Variants in ASPSCR1 observed in about 807,000 individuals in gnomAD.
The protein encoded by ASPSCR1 is tether containing UBX domain for GLUT4.
In ASPSCR1, 55 loss-of-function variants were observed where a neutral mutation model predicts 68.9. The observed-to-expected ratio is 0.80, with a 90% CI of 0.64 to 1.00. The LOEUF (loss-of-function observed/expected upper bound fraction) is 1.00. ASPSCR1 is among the 50% of genes least tolerant of loss of function. ASPSCR1 has a pLI of 0.00. For synonymous variants in ASPSCR1, 352 were observed against 332.6 expected, an observed-to-expected ratio of 1.06 and a Z score of -0.63; for missense variants, 765 against 762.2, an observed-to-expected ratio of 1.00 and a Z score of -0.04.
intron 12 of ASPSCR1, 23 bp from the exon 13 acceptor site, chr17:82,016,451 CCT>C: frequency 1.9e-6 from 3 of 1,545,068 alleles, no homozygotes; most frequent in East Asian, 2.4e-5. Context: ...ACACCCGGCC[CCT>C]GAGCCCCCCG....
intron 12 of ASPSCR1, among the ~76,000 whole-genome samples, chr17:82,012,527 T>C (rs1305086180): frequency 6.6e-6 from 1 of 152,084 alleles, no homozygotes; most frequent in Non-Finnish European, 1.5e-5. Context: ...GCGGCCTGCC[T>C]GAACTGAGGC....
chr17:82,000,935 C>T (rs748891853), intron 7 of ASPSCR1, among the ~76,000 whole-genome samples: 3 of 152,114 alleles, frequency 2.0e-5, no homozygotes, highest in Non-Finnish European at 4.4e-5. Flanking sequence ...GCAGCTGGCA[C>T]GAGGGCCGCT....
chr17:82,006,558 T>G (rs971267859), intron 7 of ASPSCR1: 1 of 152,214 alleles, frequency 6.6e-6, no homozygotes, highest in Non-Finnish European at 1.5e-5. Flanking sequence ...TGCCTCCTGC[T>G]CCTCCTCCCT....
intron 7 of ASPSCR1, chr17:82,008,376 C>G (rs1166377019): frequency 2.0e-5 from 3 of 152,414 alleles, no homozygotes; most frequent in African/African-American, 7.2e-5. Flanking sequence ...CTCGGCTGTT[C>G]TGTGTGAGGG....
intron 6 of ASPSCR1, 52 bp downstream of exon 6, chr17:81,996,117 T>C (rs751357539): frequency 2.6e-4 from 394 of 1,491,268 alleles, no homozygotes; most frequent in Non-Finnish European, 3.5e-4. Context: ...AAAAAAAAAG[T>C]GGTCTCAAAG....
chr17:82,017,224 C>T lies in ASPSCR1; in HGVS notation c.1649-85C>T, dbSNP rs1019653046. 3.1e-6 allele frequency: 5 copies of T among 1,595,726 alleles called. No homozygotes were observed. In the East Asian group the frequency reaches 6.7e-5, roughly 21 times the overall value. On this transcript the variant is annotated intron_variant, in intron 15 of 15. Coordinates refer to ENST00000306739, the MANE Select transcript of ASPSCR1 (RefSeq NM_024083.4). ...GGCTAGGTGCTGTGGCCGGCAGGGC[C>T]GAGTGCTTCAGCCGGGCTGGTGGGC... is the stretch of plus-strand genomic sequence containing the variant.
At chr17:82,002,955 A>G (rs990035652) in intron 7 of ASPSCR1, among the ~76,000 whole-genome samples, 1 of 151,706 alleles carries the variant, frequency 6.6e-6, no homozygotes, top group African/African-American at 2.4e-5. Context: ...GCTCACTGCA[A>G]CCTCCACCTC....
At chr17:81,991,597 T>TCCTGTCCATCCCTGTCCATC (rs910971006) in intron 4 of ASPSCR1, among the ~76,000 whole-genome samples, 3 of 152,092 alleles carry the variant, frequency 2.0e-5, no homozygotes, top group Non-Finnish European at 4.4e-5. Flanking sequence ...CCTTGTCCAT[T>TCCTGTCCATCCCTGTCCATC]CCTGTCCATC....
Position 81,999,602 on chromosome 17 carries a change from G to A in ASPSCR1, c.933+2756G>A, listed in dbSNP as rs138231466. On this transcript the variant is annotated intron_variant, in intron 7 of 15. Transcript: ENST00000306739. The surrounding 1 kb of genome is among the most constrained non-coding windows in gnomAD (Gnocchi z 4.4). ...AGATCGTGCCACTGCACTCCAGCCC[G>A]GGTGACAGAGTGAAACTCCATCTCA... Among the ~76,000 whole-genome samples the A allele has an allele frequency of 2.3e-3, 355 of 151,524 alleles. 3 individuals are homozygous for A. Among genetic ancestry groups the A allele is most frequent in the African/African-American group, 7.6e-3 (315 of 41,306 alleles).
intron 11 of ASPSCR1, 191 bp from the exon 12 acceptor site, chr17:82,012,040 G>A: frequency 1.4e-6 from 1 of 732,758 alleles, no homozygotes; most frequent in Admixed American, 2.0e-5. Context: ...AGGTGGGCCT[G>A]CCCCCCACCG....
In ASPSCR1 at chr17:81,994,821, G is replaced by GGAGT; in HGVS notation, c.377_380dup (p.Cys127Ter). 6.2e-7 allele frequency: 1 copy of GGAGT among 1,613,336 alleles called. No individual in the cohort carries two copies. Among genetic ancestry groups the GGAGT allele is most frequent in the Non-Finnish European group, 8.5e-7 (1 of 1,179,956 alleles). The stretch of plus-strand genomic sequence containing the variant: ...GATGGTTTCTTTCCTCTCCTCCCAG[G>GGAGT]GAGTGCCTGCAGCACCCCGGCGGGG... On this transcript the variant is annotated frameshift_variant and splice_region_variant, in exon 5 of 16. Coordinates refer to ENST00000306739, the MANE Select transcript of ASPSCR1 (RefSeq NM_024083.4). LOFTEE classifies it high-confidence loss of function.
At chr17:82,013,130 C>T (rs1168885882) in intron 12 of ASPSCR1, 1 of 152,266 alleles carries the variant, frequency 6.6e-6, no homozygotes, top group Non-Finnish European at 1.5e-5. Context: ...CAGGGGTGAT[C>T]AGGAGCAGGA....
chr17:82,010,692 T>A, intron 9 of ASPSCR1, 110 bp from the exon 10 acceptor site: 1 of 1,194,910 alleles, frequency 8.4e-7, no homozygotes, highest in South Asian at 1.3e-5. Context: ...TGCTTCTGCC[T>A]GCCTCAGCCC....
intron 11 of ASPSCR1, 23 bp from the exon 12 acceptor site, chr17:82,012,207 CA>C (rs747241188): frequency 1.2e-5 from 20 of 1,611,582 alleles, no homozygotes; most frequent in Non-Finnish European, 1.6e-5. Flanking sequence ...TGCTTCCTAA[CA>C]CGTAGGTGCC....
At chr17:82,010,066 C>T (rs1249527980) in intron 9 of ASPSCR1, 4 of 336,806 alleles carry the variant, frequency 1.2e-5, no homozygotes, top group African/African-American at 9.5e-5. Context: ...CCCGCTACCA[C>T]TAGCTCGGCT....
At chr17:82,000,698 C>T (rs377435227) in intron 7 of ASPSCR1, among the ~76,000 whole-genome samples, 49 of 152,338 alleles carry the variant, frequency 3.2e-4, no homozygotes, top group African/African-American at 1.1e-3. Context: ...GGCCGAGACC[C>T]GGGGTGGTTC....
rs1191467983 is a variant in ASPSCR1, at chr17:81,977,636, G to A, written c.-11G>A. 7.2e-7 allele frequency: 1 copy of A among 1,389,648 alleles called. No homozygotes were observed. The highest frequency in any genetic ancestry group is 9.4e-7 in the Non-Finnish European group (1 of 1,069,118). 86.1% of individuals were successfully genotyped at this position (1,389,648 alleles called of 1,614,324 possible). A position where few individuals can be genotyped will look rare whatever the true frequency, so the allele number is the denominator to read the frequency against. ...TGACGCCGGCCCGGCGGCGGGTCAC[G>A]TGAGCGGAAAATGGCGGCCCCGGCA... On this transcript the variant is annotated 5_prime_UTR_variant, in exon 1 of 16. The change creates a new upstream start codon in the 5' untranslated region. Transcript: ENST00000306739. This position sits in a 1 kb window ranked among gnomAD's most constrained non-coding sequence, Gnocchi z 5.0.
rs2041999189 is a variant in ASPSCR1 at position 81,986,560 on chromosome 17, T to C, written c.374+953T>C. Among the ~76,000 whole-genome samples, 1 of 152,236 alleles carries C rather than the reference T, an allele frequency of 6.6e-6. No individual in the cohort carries two copies. Among genetic ancestry groups the C allele is most frequent in the Non-Finnish European group, 1.5e-5 (1 of 68,044 alleles). On this transcript the variant is annotated intron_variant, in intron 4 of 15. Coordinates refer to ENST00000306739, the MANE Select transcript of ASPSCR1 (RefSeq NM_024083.4). The surrounding 1 kb of genome is among the most constrained non-coding windows in gnomAD (Gnocchi z 5.2). ...GGGTCTTTTCATCGTTGGCTGGAAG[T>C]CTCTGTCCACAGTAAAAGGCTCAGC...
chr17:82,010,668 T>C (rs2042906426), intron 9 of ASPSCR1, 134 bp from the exon 10 acceptor site: 2 of 889,764 alleles, frequency 2.2e-6, no homozygotes, highest in Non-Finnish European at 3.6e-6. Context: ...GCCCAGGCCC[T>C]GATTGGGGGT....
Sources: gnomAD v4.1 joint callset for allele counts (sites outside exome capture counted in the v4.1 genomes callset) on GRCh38, gnomAD v4.1.1 for gene constraint, Gnocchi (gnomAD v3.1) non-coding constraint, MANE v1.5 for transcripts, NCBI Gene and HGNC (gene_info 2026-07-23, HGNC 2026-07-21) for gene names.